EXOC6B: variants seen among roughly 807,000 people sequenced by gnomAD.
EXOC6B encodes exocyst complex component 6B.
Under a neutral mutation model 113.5 loss-of-function variants are expected in EXOC6B, and 54 were observed. The observed-to-expected ratio is 0.48, with a 90% CI of 0.38 to 0.60. The LOEUF is 0.60. EXOC6B is among the 20% of genes least tolerant of loss of function. EXOC6B has a pLI of 0.00. For synonymous variants in EXOC6B, 357 were observed against 339.0 expected, an observed-to-expected ratio of 1.05 and a Z score of -0.58; for missense variants, 797 against 977.5, an observed-to-expected ratio of 0.82 and a Z score of 2.46.
At chr2:72,412,417 G>A (rs1410370028) in intron 18 of EXOC6B, among the ~76,000 whole-genome samples, 1 of 152,190 alleles carries the variant, frequency 6.6e-6, no homozygotes, top group Non-Finnish European at 1.5e-5. Flanking sequence ...AGTATGCATA[G>A]TCATTGCAAG....
chr2:72,641,228 G>T (rs1481875508), intron 6 of EXOC6B, among the ~76,000 whole-genome samples: 4 of 152,220 alleles, frequency 2.6e-5, no homozygotes, highest in Non-Finnish European at 4.4e-5. Context: ...AGTGGGTGCA[G>T]CTCAGAGAGG....
At chr2:72,507,582 T>A (rs1700660004) in intron 11 of EXOC6B, among the ~76,000 whole-genome samples, 1 of 151,990 alleles carries the variant, frequency 6.6e-6, no homozygotes, top group South Asian at 2.1e-4. Flanking sequence ...AAATTAAAAT[T>A]AAAATAATAA....
At chr2:72,515,006 A>G in intron 9 of EXOC6B, 37 bp downstream of exon 9, 2 of 1,538,378 alleles carry the variant, frequency 1.3e-6, no homozygotes, top group Non-Finnish European at 1.8e-6. Flanking sequence ...AAGGAGGAAA[A>G]GTAAAAATGT....
intron 16 of EXOC6B, among the ~76,000 whole-genome samples, chr2:72,481,819 C>T (rs944885918): frequency 1.3e-5 from 2 of 151,554 alleles, no homozygotes; most frequent in East Asian, 1.9e-4. Context: ...AAAGACAGTA[C>T]TGGTTAAAAA....
intron 20 of EXOC6B, among the ~76,000 whole-genome samples, chr2:72,276,808 G>A (rs1244616099): frequency 6.6e-6 from 1 of 151,896 alleles, no homozygotes; most frequent in African/African-American, 2.4e-5. Flanking sequence ...TTTTATTCTT[G>A]GCCATCTATT....
chr2:72,752,354 A>G (rs115790357), intron 1 of EXOC6B, among the ~76,000 whole-genome samples: 2,602 of 152,108 alleles, frequency 0.017, 98 homozygotes, highest in African/African-American at 0.06. Context: ...AAAATCTCAT[A>G]TATCTTCCAC....
intron 8 of EXOC6B, among the ~76,000 whole-genome samples, chr2:72,520,460 C>T (rs181264562): frequency 1.3e-5 from 2 of 152,264 alleles, no homozygotes; most frequent in Admixed American, 6.5e-5. Flanking sequence ...CTTTTAGCAT[C>T]ACATTTCTTC....
intron 18 of EXOC6B, among the ~76,000 whole-genome samples, chr2:72,439,751 T>G (rs1696084588): frequency 6.6e-6 from 1 of 152,244 alleles, no homozygotes. Flanking sequence ...AGCCCAGTTC[T>G]GAACCCTTGC....
chr2:72,355,747 A>G (rs895338162), intron 19 of EXOC6B, among the ~76,000 whole-genome samples: 3 of 152,238 alleles, frequency 2.0e-5, no homozygotes, highest in Non-Finnish European at 4.4e-5. Flanking sequence ...GATAGCAGGT[A>G]AGGGATTGAA....
intron 6 of EXOC6B, among the ~76,000 whole-genome samples, chr2:72,644,180 T>C (rs1470636868): frequency 2.0e-5 from 3 of 151,748 alleles, no homozygotes; most frequent in Non-Finnish European, 4.4e-5. Context: ...TTCAATCAAG[T>C]GGAAGAAAGG....
In EXOC6B at chr2:72,807,090, T is replaced by G. The variant is rs77148669; in HGVS notation, c.113+18708A>C. On this transcript the variant is annotated intron_variant, in intron 1 of 21. Transcript: ENST00000272427. ...CTTTGGTGTCTTCATCATGAAATCT[T>G]TGGCCGTGCCTGTGTCCAGAACGGT... 3.3e-5 allele frequency among the ~76,000 whole-genome samples: 5 copies of G among 152,276 alleles called. No homozygotes were observed. In the East Asian group the frequency reaches 9.7e-4, roughly 29 times the overall value.
At chr2:72,239,137 C>G (rs1470507475) in intron 20 of EXOC6B, among the ~76,000 whole-genome samples, 1 of 152,198 alleles carries the variant, frequency 6.6e-6, no homozygotes, top group Admixed American at 6.5e-5. Flanking sequence ...GCAACCTTCC[C>G]ACCTTGGCCT....
chr2:72,451,850 T>C (rs1408378406), intron 18 of EXOC6B, among the ~76,000 whole-genome samples: 1 of 152,102 alleles, frequency 6.6e-6, no homozygotes, highest in Non-Finnish European at 1.5e-5. Flanking sequence ...TGTGTGTTAT[T>C]TGTTTGGAGA....
chr2:72,363,268 A>G (rs1409997636), intron 19 of EXOC6B, among the ~76,000 whole-genome samples: 1 of 152,086 alleles, frequency 6.6e-6, no homozygotes, highest in Non-Finnish European at 1.5e-5. Flanking sequence ...TGGGTTTGGT[A>G]GCCTGTCAGC....
At chr2:72,221,874 C>T (rs999825985) in intron 20 of EXOC6B, among the ~76,000 whole-genome samples, 4 of 152,158 alleles carry the variant, frequency 2.6e-5, no homozygotes, top group African/African-American at 9.7e-5. Flanking sequence ...ATCTGAAAAT[C>T]ATAAATACTC....
intron 1 of EXOC6B, among the ~76,000 whole-genome samples, chr2:72,760,269 C>G (rs914444700): frequency 6.6e-6 from 1 of 152,160 alleles, no homozygotes; most frequent in African/African-American, 2.4e-5. Flanking sequence ...ATACTCCCAG[C>G]AAACTTCCCT....
At chr2:72,686,549 T>G (rs1374281324) in intron 6 of EXOC6B, among the ~76,000 whole-genome samples, 1 of 152,208 alleles carries the variant, frequency 6.6e-6, no homozygotes, top group Non-Finnish European at 1.5e-5. Flanking sequence ...AAGTCCGGGT[T>G]TCAGAGATAA....
At chr2:72,434,640 G>T (rs1191230369) in intron 18 of EXOC6B, among the ~76,000 whole-genome samples, 2 of 152,130 alleles carry the variant, frequency 1.3e-5, no homozygotes, top group Non-Finnish European at 2.9e-5. Context: ...TTGGGAGGTT[G>T]TATTTGTCCA....
At chr2:72,524,094 TG>T in intron 8 of EXOC6B, among the ~76,000 whole-genome samples, 1 of 147,728 alleles carries the variant, frequency 6.8e-6, no homozygotes. Context: ...TGACTGCAGC[TG>T]GAACTCCCTT....
Sources: allele counts gnomAD v4.1 joint callset (sites outside exome capture counted in the v4.1 genomes callset), GRCh38; gene constraint gnomAD v4.1.1; transcripts MANE v1.5; gene names NCBI Gene and HGNC (gene_info 2026-07-23, HGNC 2026-07-21).